The following GALNT16 variants were observed in gnomAD, a reference collection of about 807,000 sequenced individuals.
The protein encoded by GALNT16 is UDP-GalNAc:polypeptide N-acetylgalactosaminyltransferase-like protein 1.
Under a neutral mutation model 76.1 loss-of-function variants are expected in GALNT16, and 40 were observed. That is an observed-to-expected ratio of 0.53 (90% confidence interval 0.41 to 0.68). The LOEUF (loss-of-function observed/expected upper bound fraction) is 0.68. Among genes scored for constraint, GALNT16 ranks in the 30% least tolerant of loss-of-function variants. The pLI, the probability that GALNT16 is intolerant of heterozygous loss-of-function variation, is 0.00. For missense variants in GALNT16, 621 were observed against 731.9 expected (o/e 0.85, Z 1.75); for synonymous variants, 276 against 285.2 (o/e 0.97, Z 0.32).
intron 1 of GALNT16, among the ~76,000 whole-genome samples, chr14:69,299,907 G>A (rs1192746344): frequency 1.1e-4 from 16 of 152,148 alleles, no homozygotes; most frequent in Admixed American, 1.0e-3. Context: ...AAGACACCAA[G>A]GTGTCCGTGT....
At chr14:69,345,631 C>T (rs975481298) in intron 12 of GALNT16, among the ~76,000 whole-genome samples, 4 of 151,648 alleles carry the variant, frequency 2.6e-5, no homozygotes, top group African/African-American at 9.7e-5. Context: ...CGAACATAAC[C>T]TGAACTCAGG....
chr14:69,351,403 A>G (rs916553325), intron 14 of GALNT16: 3 of 152,244 alleles, frequency 2.0e-5, no homozygotes, highest in African/African-American at 7.2e-5. Flanking sequence ...CAATAACTAC[A>G]TAGAAGCTGG....
At chr14:69,346,997 T>C (rs1316575089) in intron 12 of GALNT16, 43 bp from the exon 13 acceptor site, 2 of 1,613,214 alleles carry the variant, frequency 1.2e-6, no homozygotes, top group Non-Finnish European at 1.7e-6. Flanking sequence ...TAGGTAAGCC[T>C]TGGGGGGGAA....
In GALNT16 at chr14:69,324,700, CT is replaced by C; in HGVS notation, c.345del (p.Val116CysfsTer28). ...IRDTRHYSCP[S>X]VSYSSDLPAT... Reference sequence around the variant, plus strand: ...CTGTGCTCCCTTCTCAGCTGCCCATCTGTGTCCTACTCCTCGGACCTGCCAG... The same window carrying C: ...CTGTGCTCCCTTCTCAGCTGCCCATCGTGTCCTACTCCTCGGACCTGCCAG... On this transcript the variant is annotated frameshift_variant, in exon 3 of 15. Transcript: ENST00000448469. LOFTEE classifies it high-confidence loss of function. The C allele has an allele frequency of 6.2e-7, 1 of 1,606,612 alleles. No individual in the cohort carries two copies. The highest frequency in any genetic ancestry group is 1.3e-5 in the African/African-American group (1 of 74,862).
intron 1 of GALNT16, among the ~76,000 whole-genome samples, chr14:69,315,870 G>T (rs955109665): frequency 6.6e-6 from 1 of 152,000 alleles, no homozygotes; most frequent in Non-Finnish European, 1.5e-5. Flanking sequence ...GGTTCTGATT[G>T]TTTCTTCTTG....
chr14:69,380,209 A>T, the GALNT16 span: 1 of 181,706 alleles, frequency 5.5e-6, no homozygotes, highest in Non-Finnish European at 1.1e-5. Context: ...CCCCCACCCC[A>T]TCTTGAAGAA....
chr14:69,322,981 T>TGTGTGA (rs1196943800), intron 2 of GALNT16, among the ~76,000 whole-genome samples: 1 of 28,324 alleles, frequency 3.5e-5, no homozygotes, highest in Non-Finnish European at 5.8e-5. Flanking sequence ...TGTGTGTGTG[T>TGTGTGA]GCGCGCGCAC....
chr14:69,332,964 G>C (rs917992951), intron 7 of GALNT16, 121 bp from the exon 8 acceptor site: 2 of 747,138 alleles, frequency 2.7e-6, no homozygotes, highest in Non-Finnish European at 4.9e-6. Context: ...GAATGAAGGA[G>C]GGACTGCACG....
At chr14:69,277,397 C>T (rs943511717) in intron 1 of GALNT16, among the ~76,000 whole-genome samples, 3 of 152,090 alleles carry the variant, frequency 2.0e-5, no homozygotes, top group African/African-American at 7.2e-5. Context: ...TGACAGGCCC[C>T]GGTGTGTGAT....
intron 2 of GALNT16, among the ~76,000 whole-genome samples, chr14:69,322,777 G>A (rs1226634249): frequency 3.3e-5 from 5 of 152,164 alleles, no homozygotes; most frequent in Non-Finnish European, 7.4e-5. Flanking sequence ...TGTAATCTCA[G>A]CTACTCGGGA....
At chr14:69,365,062 A>C in the GALNT16 span, among the ~76,000 whole-genome samples, 2 of 152,186 alleles carry the variant, frequency 1.3e-5, no homozygotes, top group Non-Finnish European at 2.9e-5. Flanking sequence ...ATTGAGTCTT[A>C]ATCTATGCTG....
chr14:69,347,753 C>A, intron 13 of GALNT16, 124 bp from the exon 14 acceptor site: 4 of 993,428 alleles, frequency 4.0e-6, no homozygotes, highest in African/African-American at 1.6e-5. Context: ...TCTACCCTAG[C>A]TCCTACAATT....
chr14:69,271,572 GCAGTGGTTGCCGGC>G (rs2044408483), intron 1 of GALNT16, among the ~76,000 whole-genome samples: 1 of 152,228 alleles, frequency 6.6e-6, no homozygotes, highest in African/African-American at 2.4e-5. Flanking sequence ...GCTCACCAGT[GCAGTGGTTGCCGGC>G]CACAGGTGGC....
At chr14:69,308,883 A>G (rs2044976298) in intron 1 of GALNT16, among the ~76,000 whole-genome samples, 1 of 152,244 alleles carries the variant, frequency 6.6e-6, no homozygotes, top group Admixed American at 6.5e-5. Context: ...ACCAATGTAT[A>G]AAAGCTTCTA....
chr14:69,328,424 C>A, intron 5 of GALNT16, 26 bp from the exon 6 acceptor site: 1 of 1,609,496 alleles, frequency 6.2e-7, no homozygotes, highest in South Asian at 1.1e-5. Context: ...AGTCCCAGCG[C>A]CAAGCCCTAT....
chr14:69,275,822 AC>A (rs2044464380), intron 1 of GALNT16, among the ~76,000 whole-genome samples: 1 of 152,218 alleles, frequency 6.6e-6, no homozygotes, highest in South Asian at 2.1e-4. Flanking sequence ...TGATCATGCC[AC>A]TGCACTCCAG....
At chr14:69,275,423 A>C (rs553342776) in intron 1 of GALNT16, among the ~76,000 whole-genome samples, 1 of 152,362 alleles carries the variant, frequency 6.6e-6, no homozygotes, top group Non-Finnish European at 1.5e-5. Context: ...GTTAGGGAGG[A>C]AAAGAACTGC....
At chr14:69,366,049 A>T in the GALNT16 span, among the ~76,000 whole-genome samples, 1 of 152,220 alleles carries the variant, frequency 6.6e-6, no homozygotes, top group East Asian at 1.9e-4. Context: ...GTGGAGGGGT[A>T]AGGGCTAACT....
At chr14:69,354,953 T>C (rs893441621), downstream of GALNT16, 2 of 152,296 alleles carry the variant, frequency 1.3e-5, no homozygotes, top group African/African-American at 4.8e-5. Context: ...ACATACTTCC[T>C]GGGTAAAAAC....
Sources: gnomAD v4.1 joint callset for allele counts (sites outside exome capture counted in the v4.1 genomes callset) on GRCh38, gnomAD v4.1.1 for gene constraint, MANE v1.5 for transcripts, NCBI Gene and HGNC (gene_info 2026-07-23, HGNC 2026-07-21) for gene names.